Variants in EXOC4 observed in about 807,000 individuals in gnomAD.
EXOC4 encodes the protein SEC8-like 1.
Under a neutral mutation model 107.2 loss-of-function variants are expected in EXOC4, and 71 were observed. The observed-to-expected ratio is 0.66, with a 90% CI of 0.55 to 0.81. EXOC4 has a LOEUF of 0.81. Ranked by LOEUF, EXOC4 falls within the 30% of genes least tolerant of loss-of-function variation. The pLI is 0.00. For synonymous variants in EXOC4, 456 were observed against 441.2 expected (o/e 1.03, Z -0.42); for missense variants, 1,108 against 1,189.6 (o/e 0.93, Z 1.01).
In EXOC4 at chr7:133,306,011, C is replaced by T. The variant is rs1209410845; in HGVS notation, c.606C>T (p.Ile202=). 2 of 1,613,690 alleles carry T rather than the reference C, an allele frequency of 1.2e-6. No homozygotes were observed. The highest frequency in any genetic ancestry group is 3.3e-5 in the Admixed American group (2 of 59,948). The change falls in exon 4 of 18, where the codon ATC becomes ATT. Residue 202 remains isoleucine (I), a synonymous_variant. Transcript: ENST00000253861. ...ATGAACTACACCGGCACCTGTACAT[C>T]AAATCGACTAGCCGAGTTGTGCAGC... The part of the protein sequence containing the change: ...LIDELHRHLY[I]KSTSRVVQRN...
At chr7:133,960,368 A>C (rs1288221756) in intron 14 of EXOC4, among the ~76,000 whole-genome samples, 1 of 152,222 alleles carries the variant, frequency 6.6e-6, no homozygotes, top group Non-Finnish European at 1.5e-5. Flanking sequence ...CTGGCTTCAT[A>C]GAATGATTTA....
Sources: gnomAD v4.1 joint callset for allele counts (sites outside exome capture counted in the v4.1 genomes callset) on GRCh38, gnomAD v4.1.1 for gene constraint, MANE v1.5 for transcripts, NCBI Gene and HGNC (gene_info 2026-07-23, HGNC 2026-07-21) for gene names.